Variants in LHFPL6 observed in about 807,000 individuals in gnomAD.
The protein encoded by LHFPL6 is LHFPL tetraspan subfamily member 6.
In LHFPL6, 9 loss-of-function variants were observed where a neutral mutation model predicts 20.6. That is an observed-to-expected ratio of 0.44 (90% CI 0.26 to 0.76). LHFPL6 has a LOEUF of 0.76. Ranked by LOEUF, LHFPL6 falls within the 30% of genes least tolerant of loss-of-function variation. The probability of loss-of-function intolerance (pLI) is 0.20; values close to 1 mark genes in which losing one functional copy is unlikely to be tolerated. For missense variants in LHFPL6, 218 were observed against 253.5 expected, an observed-to-expected ratio of 0.86 and a Z score of 0.95; for synonymous variants, 105 against 98.7, an observed-to-expected ratio of 1.06 and a Z score of -0.38.
chr13:39,414,754 C>T (rs1372384970), intron 2 of LHFPL6, among the ~76,000 whole-genome samples: 3 of 151,978 alleles, frequency 2.0e-5, no homozygotes, highest in Non-Finnish European at 4.4e-5. Flanking sequence ...TTATCTCTGC[C>T]CAACCACCTA....
At chr13:39,424,794 T>C (rs1339353854) in intron 2 of LHFPL6, among the ~76,000 whole-genome samples, 1 of 152,182 alleles carries the variant, frequency 6.6e-6, no homozygotes, top group Non-Finnish European at 1.5e-5. Flanking sequence ...GCACTGCACA[T>C]TTCTAGACTA....
chr13:39,419,224 G>GA (rs940649012), intron 2 of LHFPL6, among the ~76,000 whole-genome samples: 7 of 152,132 alleles, frequency 4.6e-5, no homozygotes, highest in African/African-American at 1.2e-4. Context: ...TTTTAGATGT[G>GA]AAAAAAATGG....
intron 2 of LHFPL6, among the ~76,000 whole-genome samples, chr13:39,524,991 A>T (rs1870242535): frequency 1.3e-5 from 2 of 152,220 alleles, no homozygotes; most frequent in Non-Finnish European, 2.9e-5. Flanking sequence ...CATGCTGCTG[A>T]TGAAAAAATG....
chr13:39,441,566 G>C (rs1872135639), intron 2 of LHFPL6, among the ~76,000 whole-genome samples: 2 of 152,020 alleles, frequency 1.3e-5, no homozygotes, highest in Non-Finnish European at 2.9e-5. Flanking sequence ...AGGCTGGGGT[G>C]CAGAGGCATG....
rs139525541 is a variant in LHFPL6, at chr13:39,350,389, T to C, written c.485-6335A>G. On this transcript the variant is annotated intron_variant, in intron 3 of 3. Coordinates refer to ENST00000379589, the MANE Select transcript of LHFPL6 (RefSeq NM_005780.3). ...ATTTTTCTCTCTGAGCATGATCCTA[T>C]TGTTAAAACCTATGTGCTCAATAAC... is the stretch of plus-strand genomic sequence containing the variant. 4.6e-5 allele frequency among the ~76,000 whole-genome samples: 7 copies of C among 152,338 alleles called. No homozygotes were observed. The East Asian group carries it at 1.4e-3, about 29-fold the overall frequency.
At chr13:39,518,529 TG>T (rs1423518270) in intron 2 of LHFPL6, among the ~76,000 whole-genome samples, 1 of 152,216 alleles carries the variant, frequency 6.6e-6, no homozygotes, top group African/African-American at 2.4e-5. Context: ...TCTACTATAA[TG>T]TATATTTTTT....
chr13:39,565,479 G>A (rs1396834730), intron 2 of LHFPL6, among the ~76,000 whole-genome samples: 1 of 152,136 alleles, frequency 6.6e-6, no homozygotes, highest in Non-Finnish European at 1.5e-5. Flanking sequence ...TGGAATGTTG[G>A]CATAACTATC....
chr13:39,534,148 G>C (rs185265450), intron 2 of LHFPL6, among the ~76,000 whole-genome samples: 137 of 152,276 alleles, frequency 9.0e-4, no homozygotes, highest in African/African-American at 3.0e-3. Context: ...AACTAACCTT[G>C]AGGCAATTTG....
chr13:39,596,421 C>T (rs1872772424), intron 2 of LHFPL6, among the ~76,000 whole-genome samples: 1 of 152,158 alleles, frequency 6.6e-6, no homozygotes, highest in Non-Finnish European at 1.5e-5. Flanking sequence ...CCAGCAGCAG[C>T]AGCATCACCT....
At chr13:39,383,287 T>A (rs1452820553) in intron 2 of LHFPL6, among the ~76,000 whole-genome samples, 5 of 152,186 alleles carry the variant, frequency 3.3e-5, no homozygotes, top group African/African-American at 1.2e-4. Flanking sequence ...TTAGGTCAGA[T>A]CAGGCCACAA....
intron 2 of LHFPL6, among the ~76,000 whole-genome samples, chr13:39,582,362 A>C (rs1287248152): frequency 6.6e-6 from 1 of 152,198 alleles, no homozygotes; most frequent in Non-Finnish European, 1.5e-5. Flanking sequence ...AGACCCAACC[A>C]TGTGAATTGT....
At chr13:39,581,545 AAAGAAG>A (rs1209881560) in intron 2 of LHFPL6, among the ~76,000 whole-genome samples, 7 of 151,142 alleles carry the variant, frequency 4.6e-5, no homozygotes, top group Admixed American at 2.0e-4. Context: ...AAAAAAAAAA[AAAGAAG>A]AAGAAGAAGA....
At position 39,418,351 on chromosome 13, in the gene LHFPL6, AT is replaced by A. The variant is rs577814235; in HGVS notation, c.386-39826del. 5.0e-5 allele frequency among the ~76,000 whole-genome samples: 7 copies of A among 138,738 alleles called. No homozygotes were observed. In the South Asian group the frequency reaches 9.9e-4, roughly 20 times the overall value. The allele number at this position is 138,738 out of a possible 152,430, so 91.0% of individuals were successfully genotyped here. ...AGTATGCTCTGATTCCTAAAATAAG[AT>A]TTTTTTTTAAAGGGTAAAGTTTTTT... is the stretch of plus-strand genomic sequence containing the variant. On this transcript the variant is annotated intron_variant, in intron 2 of 3. Coordinates refer to ENST00000379589, the MANE Select transcript of LHFPL6 (RefSeq NM_005780.3).
intron 2 of LHFPL6, among the ~76,000 whole-genome samples, chr13:39,384,715 A>T (rs981432613): frequency 2.3e-4 from 35 of 152,198 alleles, no homozygotes; most frequent in Admixed American, 2.0e-4. Flanking sequence ...GCTTCTGGGG[A>T]GTATATGGCT....
chr13:39,549,812 C>T (rs1871094902), intron 2 of LHFPL6, among the ~76,000 whole-genome samples: 1 of 151,992 alleles, frequency 6.6e-6, no homozygotes. Context: ...TGTGATATAG[C>T]CATGCAATGG....
chr13:39,598,238 C>G (rs1340739668), intron 2 of LHFPL6, among the ~76,000 whole-genome samples: 2 of 151,802 alleles, frequency 1.3e-5, no homozygotes, highest in African/African-American at 2.4e-5. Flanking sequence ...TGAATAAAAA[C>G]CCAAACAATT....
At chr13:39,397,906 T>TTG (rs146494686) in intron 2 of LHFPL6, among the ~76,000 whole-genome samples, 20,029 of 149,930 alleles carry the variant, frequency 0.13, 1,382 homozygotes, top group South Asian at 0.22. Context: ...AAGTCAGACT[T>TTG]TGTGTGTGTG....
chr13:39,398,214 A>G (rs1243463646), intron 2 of LHFPL6, among the ~76,000 whole-genome samples: 1 of 152,218 alleles, frequency 6.6e-6, no homozygotes, highest in Non-Finnish European at 1.5e-5. Context: ...CTGTTTTCCT[A>G]CTGAGTTTCT....
rs532770976 is a variant in LHFPL6 at position 39,398,524 on chromosome 13, C to T, written c.386-19998G>A. Among the ~76,000 whole-genome samples, 5 of 152,334 alleles carry T rather than the reference C, an allele frequency of 3.3e-5. No homozygotes were observed. The South Asian group carries it at 1.0e-3, about 32-fold the overall frequency. On this transcript the variant is annotated intron_variant, in intron 2 of 3. Transcript: ENST00000379589. ...CTGCTTCAGTCTTCACTAGCCCAAACTTGAGGTGACTCTGCAGAAGTGATA... is the reference window on the plus strand; with the variant it reads ...CTGCTTCAGTCTTCACTAGCCCAAATTTGAGGTGACTCTGCAGAAGTGATA...
Sources: allele counts gnomAD v4.1 joint callset (sites outside exome capture counted in the v4.1 genomes callset), GRCh38; gene constraint gnomAD v4.1.1; transcripts MANE v1.5; gene names NCBI Gene and HGNC (gene_info 2026-07-23, HGNC 2026-07-21).